Variants in NVL observed in about 807,000 individuals in gnomAD.
NVL encodes the protein nuclear VCP like, also known as nuclear valosin-containing protein-like.
NVL carries 84 observed loss-of-function variants against 110.2 expected under a neutral mutation model. The observed-to-expected ratio is 0.76, with a 90% CI of 0.64 to 0.91. The LOEUF (loss-of-function observed/expected upper bound fraction) is 0.91, where lower values mean the gene tolerates loss of function less well. Among genes scored for constraint, NVL ranks in the 40% least tolerant of loss-of-function variants. The pLI, the probability that NVL is intolerant of heterozygous loss-of-function variation, is 0.00. For synonymous variants in NVL, 354 were observed against 361.1 expected (o/e 0.98, Z 0.22); for missense variants, 882 against 1,035.9 (o/e 0.85, Z 2.04).
chr1:224,268,115 C>T lies in NVL; in HGVS notation c.2101G>A (p.Val701Met), dbSNP rs755811576. ...SDRETGASVR[V>M]VNQLLTEMDG... is the part of the protein sequence containing the mutation. ...ATCTCTGTAAGTAGCTGATTCACCACTCGGACACTTGCCCCTGTCTAAAAA... is the reference window on the plus strand; with the variant it reads ...ATCTCTGTAAGTAGCTGATTCACCATTCGGACACTTGCCCCTGTCTAAAAA... Residue 701 changes from valine (V) to methionine (M), a missense_variant, in exon 18 of 23, where the codon GTG becomes ATG. Val to Met is a conservative substitution (Grantham distance 21). Transcript: ENST00000281701. The T allele has an allele frequency of 6.2e-7, 1 of 1,613,852 alleles. No individual in the cohort carries two copies. Among genetic ancestry groups the T allele is most frequent in the Non-Finnish European group, 8.5e-7 (1 of 1,179,796 alleles).
chr1:224,317,161 T>G (rs1572056289), intron 4 of NVL, among the ~76,000 whole-genome samples: 2 of 148,922 alleles, frequency 1.3e-5, no homozygotes, highest in Admixed American at 1.3e-4. Flanking sequence ...AAAAAAAAAG[T>G]AGAGCTTACT....
chr1:224,320,011 T>TA (rs1306144529), intron 2 of NVL, among the ~76,000 whole-genome samples: 1 of 151,930 alleles, frequency 6.6e-6, no homozygotes, highest in East Asian at 1.9e-4. Context: ...TTCAAAAATG[T>TA]AAAGATCATG....
chr1:224,294,802 A>G (rs1176576747), intron 11 of NVL, among the ~76,000 whole-genome samples: 2 of 152,156 alleles, frequency 1.3e-5, no homozygotes, highest in African/African-American at 2.4e-5. Flanking sequence ...GGTAAATACA[A>G]TTTTAACAAG....
rs979646039 is a variant in NVL, at chr1:224,298,977, G to GA, written c.1062+1584dup. The stretch of plus-strand genomic sequence containing the variant: ...AAAAGAGATAAGGATCAGTTAAAAT[G>GA]AAAAAAATTGAAGAAAATTATCTAG... On this transcript the variant is annotated intron_variant, in intron 10 of 22. Coordinates refer to ENST00000281701, the MANE Select transcript of NVL (RefSeq NM_002533.4). Among the ~76,000 whole-genome samples the GA allele has an allele frequency of 4.6e-5, 7 of 152,030 alleles. 1 individual carries two copies. The highest frequency in any genetic ancestry group is 6.6e-5 in the Admixed American group (1 of 15,252).
chr1:224,277,028 C>G (rs572665103), intron 16 of NVL, among the ~76,000 whole-genome samples: 1 of 149,804 alleles, frequency 6.7e-6, no homozygotes, highest in Admixed American at 6.7e-5. Context: ...ATCATTTGAC[C>G]GAAACCAAAC....
At chr1:224,232,995 T>G in intron 21 of NVL, 1 of 481,392 alleles carries the variant, frequency 2.1e-6, no homozygotes, top group Non-Finnish European at 3.7e-6. Flanking sequence ...TACTCTTTAT[T>G]AGAGAGGTAC....
intron 5 of NVL, among the ~76,000 whole-genome samples, chr1:224,308,690 CAAAA>C (rs544159510): frequency 4.8e-5 from 3 of 61,912 alleles, no homozygotes; most frequent in Non-Finnish European, 3.4e-5. Flanking sequence ...GACTCCATCT[CAAAA>C]AAAAAAAAAA....
At chr1:224,283,647 C>T (rs1558303030) in intron 15 of NVL, among the ~76,000 whole-genome samples, 1 of 152,178 alleles carries the variant, frequency 6.6e-6, no homozygotes, top group Non-Finnish European at 1.5e-5. Flanking sequence ...CTGCTGTGAA[C>T]AGGACTACTC....
At chr1:224,288,015 GA>G (rs1402102147) in intron 13 of NVL, 22 bp from the exon 14 acceptor site, 13 of 1,561,302 alleles carry the variant, frequency 8.3e-6, no homozygotes, top group Admixed American at 1.8e-5. Flanking sequence ...CAATAGAGGG[GA>G]AAAAAATAAA....
chr1:224,246,336 G>A (rs1236723963), intron 19 of NVL, among the ~76,000 whole-genome samples: 2 of 152,080 alleles, frequency 1.3e-5, no homozygotes, highest in African/African-American at 2.4e-5. Context: ...GGCCGAAGTG[G>A]GGTACTTTAA....
chr1:224,294,237 G>A, intron 12 of NVL, 30 bp downstream of exon 12: 1 of 1,610,756 alleles, frequency 6.2e-7, no homozygotes, highest in Non-Finnish European at 8.5e-7. Context: ...TGACTTAGTG[G>A]CATACAAACT....
intron 22 of NVL, chr1:224,227,884 G>T (rs1217029609): frequency 3.3e-6 from 1 of 306,538 alleles, no homozygotes; most frequent in East Asian, 6.0e-5. Context: ...CAAAAAGAGG[G>T]GATTAGGGCA....
At chr1:224,321,102 A>G (rs1168394408) in intron 2 of NVL, among the ~76,000 whole-genome samples, 5 of 151,956 alleles carry the variant, frequency 3.3e-5, no homozygotes, top group South Asian at 2.1e-4. Flanking sequence ...AATACAAAGA[A>G]TCAGCGGGGC....
chr1:224,291,868 T>TA (rs1481426631), intron 12 of NVL, among the ~76,000 whole-genome samples: 13 of 152,162 alleles, frequency 8.5e-5, no homozygotes. Flanking sequence ...ACTCTATCCC[T>TA]AAAAAAAGTG....
At chr1:224,284,224 T>C (rs1666641615) in intron 15 of NVL, among the ~76,000 whole-genome samples, 1 of 152,026 alleles carries the variant, frequency 6.6e-6, no homozygotes, top group African/African-American at 2.4e-5. Context: ...ACAGTCAAGA[T>C]AAACTAATCA....
chr1:224,277,979 G>C (rs1471458876), intron 16 of NVL, among the ~76,000 whole-genome samples: 4 of 152,076 alleles, frequency 2.6e-5, no homozygotes, highest in East Asian at 1.9e-4. Context: ...AATCTTTCAG[G>C]GTTCTGTCAG....
intron 18 of NVL, among the ~76,000 whole-genome samples, chr1:224,250,896 A>G (rs1662401838): frequency 6.6e-6 from 1 of 152,178 alleles, no homozygotes; most frequent in Non-Finnish European, 1.5e-5. Context: ...AGTGCAAGCA[A>G]TCCGCCCTTC....
chr1:224,281,963 A>AAAC (rs967468283), intron 15 of NVL, among the ~76,000 whole-genome samples: 2 of 151,948 alleles, frequency 1.3e-5, no homozygotes, highest in African/African-American at 4.8e-5. Context: ...AAAAAAAAAA[A>AAAC]AAAAGGAAAA....
chr1:224,326,575 T>A, intron 1 of NVL, 111 bp from the exon 2 acceptor site: 1 of 609,824 alleles, frequency 1.6e-6, no homozygotes, highest in Non-Finnish European at 2.8e-6. Flanking sequence ...AACTCTTCGT[T>A]AATAAAGTGT....
Sources: allele counts gnomAD v4.1 joint callset (sites outside exome capture counted in the v4.1 genomes callset), GRCh38; gene constraint gnomAD v4.1.1; transcripts MANE v1.5; gene names NCBI Gene and HGNC (gene_info 2026-07-23, HGNC 2026-07-21).